Variants in TSHZ2 observed in about 807,000 individuals in gnomAD.
The protein encoded by TSHZ2 is teashirt zinc finger homeobox 2, also known as teashirt homolog 2.
A neutral mutation model predicts 74.4 loss-of-function variants in TSHZ2; 21 were observed. The observed-to-expected ratio is 0.28, with a 90% confidence interval of 0.20 to 0.41. The LOEUF (loss-of-function observed/expected upper bound fraction) is 0.41, where lower values mean the gene tolerates loss of function less well. Ranked by LOEUF, TSHZ2 falls within the 10% of genes least tolerant of loss-of-function variation. The pLI, the probability that TSHZ2 is intolerant of heterozygous loss-of-function variation, is 1.00. For missense variants in TSHZ2, 1,244 were observed against 1,293.5 expected (o/e 0.96, Z 0.59); for synonymous variants, 540 against 515.3 (o/e 1.05, Z -0.65).
At chr20:53,279,572 A>T (rs957214734) in intron 2 of TSHZ2, among the ~76,000 whole-genome samples, 2 of 152,104 alleles carry the variant, frequency 1.3e-5, no homozygotes, top group Non-Finnish European at 2.9e-5. Context: ...ACCCTGTTTT[A>T]TTTCCTTCAT....
At chr20:53,253,422 A>C (rs1186539182) in intron 1 of TSHZ2, 77 bp from the exon 2 acceptor site, 3 of 1,511,168 alleles carry the variant, frequency 2.0e-6, no homozygotes, top group Admixed American at 2.2e-5. Context: ...CATGGGAAGC[A>C]CTTAGTCTAT....
At chr20:53,006,210 T>C (rs984120282) in intron 1 of TSHZ2, among the ~76,000 whole-genome samples, 4 of 152,340 alleles carry the variant, frequency 2.6e-5, no homozygotes, top group African/African-American at 9.6e-5. Context: ...ACTTAACATA[T>C]ATTGTTGCAA....
At chr20:53,213,151 A>G (rs1568816212) in intron 1 of TSHZ2, among the ~76,000 whole-genome samples, 1 of 152,204 alleles carries the variant, frequency 6.6e-6, no homozygotes, top group African/African-American at 2.4e-5. Context: ...TGTCTTACAA[A>G]CAATCAAAAC....
intron 1 of TSHZ2, among the ~76,000 whole-genome samples, chr20:53,228,511 G>A (rs1319721843): frequency 6.6e-6 from 1 of 152,198 alleles, no homozygotes; most frequent in African/African-American, 2.4e-5. Flanking sequence ...GAGATTCGGG[G>A]TCCGGTAATT....
At chr20:53,190,139 T>TATATATATATATA (rs1568803578) in intron 1 of TSHZ2, among the ~76,000 whole-genome samples, 3 of 49,346 alleles carry the variant, frequency 6.1e-5, no homozygotes, top group Non-Finnish European at 8.8e-5. Context: ...ATATATATAT[T>TATATATATATATA]TTCTTAAATG....
At chr20:53,456,066 G>A (rs893791426) in intron 2 of TSHZ2, among the ~76,000 whole-genome samples, 1 of 152,088 alleles carries the variant, frequency 6.6e-6, no homozygotes, top group African/African-American at 2.4e-5. Context: ...AGTCCTTTGG[G>A]TACATACCCA....
intron 2 of TSHZ2, among the ~76,000 whole-genome samples, chr20:53,316,387 C>T (rs1365344637): frequency 6.6e-6 from 1 of 152,072 alleles, no homozygotes; most frequent in Admixed American, 6.6e-5. Context: ...CCTCCAGGAG[C>T]CCTCAGCGTA....
At chr20:53,401,814 G>A (rs1298238811) in intron 2 of TSHZ2, among the ~76,000 whole-genome samples, 5 of 106,986 alleles carry the variant, frequency 4.7e-5, no homozygotes, top group Admixed American at 4.2e-4. Flanking sequence ...ACAGAGTCTT[G>A]CTCTGTTGCC....
intron 2 of TSHZ2, among the ~76,000 whole-genome samples, chr20:53,339,876 C>A (rs1980110209): frequency 6.6e-6 from 1 of 152,192 alleles, no homozygotes. Flanking sequence ...TCCCCTTCCT[C>A]TGGAACACCA....
rs1981942455 is a variant in TSHZ2, at chr20:52,990,526, CTCAGTGTTTGTAATAGATCAAGCT to C, written c.40+17198_40+17221del. The stretch of plus-strand genomic sequence containing the variant: ...CAACAGAAAAGAAATCACACTTGTC[CTCAGTGTTTGTAATAGATCAAGCT>C]TCAGAGCTGGCCAGCTACGGCTTTA... On this transcript the variant is annotated intron_variant, in intron 1 of 2. Transcript: ENST00000371497. Among the ~76,000 whole-genome samples, 5 of 152,176 alleles carry C rather than the reference CTCAGTGTTTGTAATAGATCAAGCT, an allele frequency of 3.3e-5. No individual in the cohort carries two copies. The South Asian group carries it at 1.0e-3, about 32-fold the overall frequency.
At chr20:53,250,806 C>T (rs1377341351) in intron 1 of TSHZ2, among the ~76,000 whole-genome samples, 1 of 149,286 alleles carries the variant, frequency 6.7e-6, no homozygotes, top group South Asian at 2.1e-4. Context: ...TGAGCTGGTC[C>T]GGAAAGCTCT....
chr20:53,066,325 C>T (rs1044458499), intron 1 of TSHZ2, among the ~76,000 whole-genome samples: 1 of 152,130 alleles, frequency 6.6e-6, no homozygotes, highest in African/African-American at 2.4e-5. Flanking sequence ...GCTGCTTCTC[C>T]GCTCCGAGTC....
intron 1 of TSHZ2, among the ~76,000 whole-genome samples, chr20:53,155,565 T>C (rs1188823041): frequency 1.3e-5 from 2 of 151,624 alleles, no homozygotes; most frequent in African/African-American, 2.4e-5. Context: ...AGAATTAATG[T>C]ACAGGGCAAG....
chr20:53,453,532 C>T (rs1342316319), intron 2 of TSHZ2, among the ~76,000 whole-genome samples: 1 of 152,132 alleles, frequency 6.6e-6, no homozygotes, highest in Non-Finnish European at 1.5e-5. Flanking sequence ...TTACAATGCT[C>T]CATCGTGTGA....
chr20:53,153,037 A>G (rs1283297153), intron 1 of TSHZ2, among the ~76,000 whole-genome samples: 1 of 152,204 alleles, frequency 6.6e-6, no homozygotes, highest in African/African-American at 2.4e-5. Flanking sequence ...AGGGAGCAGC[A>G]TGTGCCCAGG....
chr20:53,447,657 A>T (rs139046839), intron 2 of TSHZ2, among the ~76,000 whole-genome samples: 1 of 152,014 alleles, frequency 6.6e-6, no homozygotes. Flanking sequence ...CAATCATTCC[A>T]TGTCTTTTAT....
intron 2 of TSHZ2, among the ~76,000 whole-genome samples, chr20:53,266,884 T>C (rs935022197): frequency 2.6e-5 from 4 of 151,324 alleles, no homozygotes; most frequent in African/African-American, 7.3e-5. Flanking sequence ...TTCAAGCAAT[T>C]CTCCTGCCTC....
chr20:53,180,064 T>C (rs1988433634), intron 1 of TSHZ2, among the ~76,000 whole-genome samples: 1 of 152,234 alleles, frequency 6.6e-6, no homozygotes. Context: ...CGAACCATTT[T>C]GGAAATGATT....
intron 1 of TSHZ2, among the ~76,000 whole-genome samples, chr20:53,181,158 G>A (rs190078385): frequency 2.1e-4 from 32 of 152,158 alleles, no homozygotes; most frequent in Admixed American, 7.2e-4. Context: ...CCCTGGCCCC[G>A]CTAGATAAAG....
Sources: gnomAD v4.1 joint callset for allele counts (sites outside exome capture counted in the v4.1 genomes callset) on GRCh38, gnomAD v4.1.1 for gene constraint, MANE v1.5 for transcripts, NCBI Gene and HGNC (gene_info 2026-07-23, HGNC 2026-07-21) for gene names.